The following TRIM9 variants were observed in gnomAD, a reference collection of about 807,000 sequenced individuals.
The protein encoded by TRIM9 is tripartite motif containing 9, also known as E3 ubiquitin-protein ligase TRIM9.
TRIM9 carries 26 observed loss-of-function variants against 78.3 expected under a neutral mutation model. That is an observed-to-expected ratio of 0.33 (90% CI 0.24 to 0.46). TRIM9 has a LOEUF of 0.46. Among genes scored for constraint, TRIM9 ranks in the 20% least tolerant of loss-of-function variants. The pLI, the probability that TRIM9 is intolerant of heterozygous loss-of-function variation, is 1.00. For missense variants in TRIM9, 787 were observed against 1,036.4 expected (o/e 0.76, Z 3.30); for synonymous variants, 398 against 416.5 (o/e 0.96, Z 0.54).
intron 1 of TRIM9, among the ~76,000 whole-genome samples, chr14:51,055,246 G>C (rs948334996): frequency 1.3e-5 from 2 of 152,154 alleles, no homozygotes; most frequent in African/African-American, 4.8e-5. Flanking sequence ...AGAAATAAAA[G>C]CACGGCCAAT....
chr14:51,005,097 G>T (rs780010609), intron 5 of TRIM9, among the ~76,000 whole-genome samples: 5 of 152,088 alleles, frequency 3.3e-5, no homozygotes, highest in Admixed American at 3.3e-4. Context: ...AGCTATTACC[G>T]GTACACTGTT....
intron 7 of TRIM9, among the ~76,000 whole-genome samples, chr14:50,988,541 A>G (rs1566548700): frequency 6.6e-6 from 1 of 150,706 alleles, no homozygotes; most frequent in Non-Finnish European, 1.5e-5. Flanking sequence ...TAATCAGGCA[A>G]GTTTATTTAA....
intron 1 of TRIM9, among the ~76,000 whole-genome samples, chr14:51,088,679 G>A (rs1177549388): frequency 6.6e-6 from 1 of 151,318 alleles, no homozygotes. Context: ...CGGCCTCTTT[G>A]TGAAAAACCT....
At chr14:51,037,748 G>A (rs2059273778) in intron 1 of TRIM9, among the ~76,000 whole-genome samples, 1 of 152,014 alleles carries the variant, frequency 6.6e-6, no homozygotes, top group Non-Finnish European at 1.5e-5. Context: ...AGCAACTCCT[G>A]TATCTAAGAT....
In TRIM9 at chr14:50,985,996, C is replaced by A; in HGVS notation, c.1752G>T (p.Gln584His). 1.3e-6 allele frequency: 2 copies of A among 1,547,670 alleles called. No homozygotes were observed. Among genetic ancestry groups the A allele is most frequent in the Non-Finnish European group, 1.7e-6 (2 of 1,145,508 alleles). Reference sequence around the variant, plus strand: ...ACTGTAAAGAGGAATGCAAGCTCAGCTGGTGGGGTGAGGATCGGAAATCAA... The same window carrying A: ...ACTGTAAAGAGGAATGCAAGCTCAGATGGTGGGGTGAGGATCGGAAATCAA... ...SYFDFRSSPH[Q>H]LSLHSSLQSL... Residue 584 changes from glutamine to histidine, a missense_variant, in exon 8 of 13, where the codon CAG becomes CAT. By Grantham distance (24) the Gln-to-His change is conservative. Around this residue, in one of 3 missense-constraint regions of TRIM9, gnomAD observed 421 missense variants for 514.3 expected, o/e 0.82. Transcript: ENST00000684578.
chr14:51,045,163 T>C (rs1335782732), intron 1 of TRIM9, among the ~76,000 whole-genome samples: 1 of 152,232 alleles, frequency 6.6e-6, no homozygotes, highest in Non-Finnish European at 1.5e-5. Context: ...GCTGGTGAGC[T>C]GGCGTCTGTG....
chr14:50,993,109 A>G (rs1347899489), intron 7 of TRIM9, among the ~76,000 whole-genome samples: 2 of 152,164 alleles, frequency 1.3e-5, no homozygotes, highest in Non-Finnish European at 2.9e-5. Context: ...GTAGTATCAG[A>G]GCCTCAGAGA....
intron 7 of TRIM9, chr14:50,997,402 G>GA (rs976114859): frequency 4.2e-5 from 41 of 985,360 alleles, no homozygotes; most frequent in Admixed American, 1.8e-4. Context: ...TGGCAAAGAT[G>GA]AAAATGGCGG....
intron 1 of TRIM9, among the ~76,000 whole-genome samples, chr14:51,039,434 C>T (rs1377534254): frequency 2.0e-5 from 3 of 152,136 alleles, no homozygotes; most frequent in African/African-American, 2.4e-5. Flanking sequence ...TGTATTCACG[C>T]GATTCAATAC....
At chr14:51,026,722 G>T (rs2058262317) in intron 1 of TRIM9, among the ~76,000 whole-genome samples, 1 of 152,114 alleles carries the variant, frequency 6.6e-6, no homozygotes, top group Non-Finnish European at 1.5e-5. Flanking sequence ...CCAAATGCTT[G>T]GTTGAGGCAA....
rs2140403447 is a variant in TRIM9 at position 51,094,276 on chromosome 14, T to C, written c.664A>G (p.Ser222Gly). The C allele has an allele frequency of 6.2e-7, 1 of 1,614,080 alleles. No homozygotes were observed. Among genetic ancestry groups the C allele is most frequent in the Non-Finnish European group, 8.5e-7 (1 of 1,180,008 alleles). Residue 222 changes from serine (S) to glycine (G), a missense_variant, in exon 1 of 13, where the codon AGC becomes GGC. Transcript: ENST00000684578. ...PAQGRVSRRL[S>G]PRKVSTCTDH... Reference sequence around the variant, plus strand: ...GTGCAGGTGGAGACCTTGCGTGGGCTCAGCCTCCGGCTCACACGACCCTGG... The same window carrying C: ...GTGCAGGTGGAGACCTTGCGTGGGCCCAGCCTCCGGCTCACACGACCCTGG...
chr14:51,062,124 C>T (rs1321742873), intron 1 of TRIM9, among the ~76,000 whole-genome samples: 2 of 152,024 alleles, frequency 1.3e-5, no homozygotes, highest in African/African-American at 4.8e-5. Flanking sequence ...TGATATTGTG[C>T]TTTTCATTTC....
intron 1 of TRIM9, among the ~76,000 whole-genome samples, chr14:51,044,742 C>T (rs2059820906): frequency 1.3e-5 from 2 of 152,168 alleles, no homozygotes; most frequent in African/African-American, 4.8e-5. Flanking sequence ...TTAAGCCAAC[C>T]TTGTTTTGTT....
chr14:51,013,629 T>C (rs1362766758), intron 3 of TRIM9, among the ~76,000 whole-genome samples: 1 of 152,172 alleles, frequency 6.6e-6, no homozygotes, highest in African/African-American at 2.4e-5. Context: ...CCAACTCTGA[T>C]GGAAAGATTA....
chr14:51,010,279 G>T, intron 4 of TRIM9, 105 bp downstream of exon 4: 6 of 806,600 alleles, frequency 7.4e-6, no homozygotes, highest in Non-Finnish European at 1.2e-5. Context: ...TTCTGTTATT[G>T]AGGGACACAG....
At chr14:51,003,243 A>G (rs764308922) in intron 5 of TRIM9, among the ~76,000 whole-genome samples, 2 of 152,222 alleles carry the variant, frequency 1.3e-5, no homozygotes, top group Non-Finnish European at 2.9e-5. Flanking sequence ...AGATAAATAT[A>G]ACAAGTTTTG....
intron 3 of TRIM9, among the ~76,000 whole-genome samples, chr14:51,017,724 G>A (rs1291084908): frequency 6.6e-6 from 1 of 152,216 alleles, no homozygotes; most frequent in Non-Finnish European, 1.5e-5. Context: ...GGAGGTAAGA[G>A]GTGTCACCCA....
intron 5 of TRIM9, among the ~76,000 whole-genome samples, chr14:51,001,919 G>A (rs1427035656): frequency 1.3e-5 from 2 of 152,170 alleles, no homozygotes; most frequent in African/African-American, 4.8e-5. Context: ...TGTCTTTGCA[G>A]CCACGTGAGA....
At chr14:50,990,280 G>A (rs906063102) in intron 7 of TRIM9, among the ~76,000 whole-genome samples, 3 of 152,072 alleles carry the variant, frequency 2.0e-5, no homozygotes, top group Non-Finnish European at 4.4e-5. Flanking sequence ...AGCCTCCCCA[G>A]TGTTGAGATT....
Sources: allele counts gnomAD v4.1 joint callset (sites outside exome capture counted in the v4.1 genomes callset), GRCh38; gene constraint gnomAD v4.1.1; regional missense constraint gnomAD v4.1.1; transcripts MANE v1.5; gene names NCBI Gene and HGNC (gene_info 2026-07-23, HGNC 2026-07-21).